Variants in GLT8D2 observed in about 807,000 individuals in gnomAD.
GLT8D2 encodes glycosyltransferase 8 domain-containing protein 2.
Under a neutral mutation model 44.5 loss-of-function variants are expected in GLT8D2, and 45 were observed. That is an observed-to-expected ratio of 1.01 (90% confidence interval 0.80 to 1.30). The LOEUF (loss-of-function observed/expected upper bound fraction) is 1.30, where lower values mean the gene tolerates loss of function less well. GLT8D2 is among the 50% of genes most tolerant of loss of function. The pLI is 0.00. For missense variants in GLT8D2, 400 were observed against 430.4 expected, an observed-to-expected ratio of 0.93 and a Z score of 0.62; for synonymous variants, 156 against 157.2, an observed-to-expected ratio of 0.99 and a Z score of 0.06.
intron 1 of GLT8D2, among the ~76,000 whole-genome samples, chr12:104,024,282 A>T (rs1208187199): frequency 1.3e-5 from 2 of 152,120 alleles, no homozygotes; most frequent in Non-Finnish European, 2.9e-5. Context: ...TAGAGAAAAA[A>T]ATTTAGCCAG....
chr12:103,998,899 G>C (rs1220395528), intron 6 of GLT8D2, among the ~76,000 whole-genome samples: 2 of 152,148 alleles, frequency 1.3e-5, no homozygotes, highest in African/African-American at 4.8e-5. Context: ...AACTCTTGCA[G>C]TAAAATACCT....
chr12:104,040,561 G>C (rs1880426023), intron 1 of GLT8D2, among the ~76,000 whole-genome samples: 1 of 152,130 alleles, frequency 6.6e-6, no homozygotes, highest in Non-Finnish European at 1.5e-5. Flanking sequence ...AAGTAGCTGG[G>C]ATTACAGACG....
At chr12:104,022,766 ACACATGCACACACACACACACATG>A (rs1161639586) in intron 1 of GLT8D2, among the ~76,000 whole-genome samples, 1 of 150,934 alleles carries the variant, frequency 6.6e-6, no homozygotes, top group African/African-American at 2.5e-5. Context: ...ACACACACAC[ACACATGCACACACACACACACATG>A]CACACACACA....
intron 4 of GLT8D2, chr12:104,012,884 C>T (rs1341071356): frequency 4.4e-6 from 3 of 683,512 alleles, no homozygotes; most frequent in South Asian, 3.1e-5. Flanking sequence ...GAATGCAGCA[C>T]AGAGAAAAGG....
intron 1 of GLT8D2, among the ~76,000 whole-genome samples, chr12:104,059,457 C>G (rs1383677301): frequency 6.6e-6 from 1 of 152,312 alleles, no homozygotes; most frequent in Non-Finnish European, 1.5e-5. Context: ...ACATTCCAGA[C>G]AGCAGGAAAG....
intron 1 of GLT8D2, among the ~76,000 whole-genome samples, chr12:104,043,441 C>G (rs1358391887): frequency 2.0e-5 from 3 of 152,110 alleles, no homozygotes; most frequent in Admixed American, 2.0e-4. Flanking sequence ...TAATCTTCCC[C>G]AAATCAGTTC....
intron 10 of GLT8D2, 83 bp from the exon 11 acceptor site, chr12:103,989,660 T>TA: frequency 3.3e-6 from 4 of 1,206,006 alleles, no homozygotes; most frequent in Non-Finnish European, 3.5e-6. Flanking sequence ...GTTCATAGTT[T>TA]AAAAAAAGGT....
intron 1 of GLT8D2, among the ~76,000 whole-genome samples, chr12:104,021,965 G>A (rs4326874): frequency 0.018 from 155 of 8,702 alleles, 11 homozygotes; most frequent in Middle Eastern, 0.11. Flanking sequence ...AGGAAGAAGA[G>A]GAAGAGGAAG....
intron 6 of GLT8D2, 29 bp from the exon 7 acceptor site, chr12:103,997,564 G>A (rs147064671): frequency 3.3e-6 from 5 of 1,524,334 alleles, no homozygotes; most frequent in African/African-American, 2.7e-5. Flanking sequence ...AAATGATGGT[G>A]GGGGAGAGGC....
chr12:104,000,920 A>G (rs777338396), intron 5 of GLT8D2, among the ~76,000 whole-genome samples: 11 of 152,214 alleles, frequency 7.2e-5, no homozygotes, highest in African/African-American at 9.6e-5. Context: ...AAAACATTTA[A>G]TTATAAAAGC....
chr12:103,993,636 C>G (rs1173570290), intron 9 of GLT8D2, 132 bp from the exon 10 acceptor site: 1 of 604,816 alleles, frequency 1.7e-6, no homozygotes, highest in East Asian at 3.1e-5. Context: ...TTCATTCTCC[C>G]CCAAATTTTC....
At chr12:104,030,611 T>A (rs1469353728) in intron 1 of GLT8D2, among the ~76,000 whole-genome samples, 1 of 152,138 alleles carries the variant, frequency 6.6e-6, no homozygotes, top group African/African-American at 2.4e-5. Flanking sequence ...ACCTGTGGAA[T>A]GGGAGCGATT....
Position 103,999,491 on chromosome 12 carries a change from A to C in GLT8D2, c.308T>G (p.Leu103Arg), listed in dbSNP as rs1873920882. The C allele has an allele frequency of 6.2e-7, 1 of 1,609,866 alleles. No homozygotes were observed. Among genetic ancestry groups the C allele is most frequent in the Non-Finnish European group, 8.5e-7 (1 of 1,176,966 alleles). Reference sequence around the variant, plus strand: ...CACGATTTTAAAGTTTATTTCTCTCAGTTTGGAATGTTCAATCCATTTTCT... The same window carrying C: ...CACGATTTTAAAGTTTATTTCTCTCCGTTTGGAATGTTCAATCCATTTTCT... Reference protein sequence around the residue: ...RIRKWIEHSKLREINFKIVEF... With the variant: ...RIRKWIEHSKRREINFKIVEF... The change falls in exon 6 of 11, where the codon CTG (leucine) becomes CGG (arginine). Residue 103 changes from leucine to arginine, a missense_variant. By Grantham distance (102) the Leu-to-Arg change is moderately radical. Coordinates refer to ENST00000360814, the MANE Select transcript of GLT8D2 (RefSeq NM_001384711.1).
intron 1 of GLT8D2, among the ~76,000 whole-genome samples, chr12:104,038,594 T>C (rs1389840012): frequency 6.6e-6 from 1 of 152,174 alleles, no homozygotes; most frequent in Non-Finnish European, 1.5e-5. Context: ...ACAAGGGATG[T>C]GAAGGATCTC....
intron 6 of GLT8D2, among the ~76,000 whole-genome samples, chr12:103,997,914 T>TACAC (rs59719067): frequency 0.05 from 7,293 of 146,030 alleles, 197 homozygotes; most frequent in African/African-American, 0.067. Context: ...CAGCCTTAAA[T>TACAC]ACACACACAC....
intron 1 of GLT8D2, among the ~76,000 whole-genome samples, chr12:104,035,306 C>T (rs1287716130): frequency 2.0e-5 from 3 of 152,154 alleles, no homozygotes; most frequent in East Asian, 1.9e-4. Context: ...CAAAGCTGGA[C>T]GGAGAATGAC....
intron 1 of GLT8D2, among the ~76,000 whole-genome samples, chr12:104,026,043 C>T (rs982587405): frequency 2.0e-5 from 3 of 152,102 alleles, no homozygotes; most frequent in African/African-American, 4.8e-5. Flanking sequence ...CTTTGGGAGG[C>T]TGAGGCTGGC....
chr12:104,003,040 A>G, intron 5 of GLT8D2, 95 bp downstream of exon 5: 1 of 901,240 alleles, frequency 1.1e-6, no homozygotes, highest in Non-Finnish European at 1.7e-6. Context: ...GCAAGAAAGA[A>G]AGAAAAGAAG....
upstream of GLT8D2, chr12:104,064,405 A>C (rs1882969698): frequency 3.2e-6 from 2 of 627,480 alleles, no homozygotes; most frequent in Admixed American, 4.3e-5. This position sits in a 1 kb window ranked among gnomAD's most constrained non-coding sequence, Gnocchi z 7.3. Context: ...CCCCTTCCCC[A>C]GCGTCTCTCC....
Sources: gnomAD v4.1 joint callset for allele counts (sites outside exome capture counted in the v4.1 genomes callset) on GRCh38, gnomAD v4.1.1 for gene constraint, Gnocchi (gnomAD v3.1) non-coding constraint, MANE v1.5 for transcripts, NCBI Gene and HGNC (gene_info 2026-07-23, HGNC 2026-07-21) for gene names.